LINGO2: variants seen among roughly 807,000 people sequenced by gnomAD.
The protein encoded by LINGO2 is leucine-rich repeat and immunoglobulin-like domain-containing nogo receptor-interacting protein 2.
A neutral mutation model predicts 30.6 loss-of-function variants in LINGO2; 14 were observed. The ratio of observed to expected loss-of-function variants is 0.46; its 90% CI spans 0.30 to 0.72. The LOEUF (loss-of-function observed/expected upper bound fraction) is 0.72. LINGO2 is among the 30% of genes least tolerant of loss of function. The pLI is 0.07. For synonymous variants in LINGO2, 317 were observed against 288.5 expected, an observed-to-expected ratio of 1.10 and a Z score of -1.00; for missense variants, 729 against 751.7, an observed-to-expected ratio of 0.97 and a Z score of 0.35.
chr9:28,996,542 G>A, the LINGO2 span, among the ~76,000 whole-genome samples: 4 of 152,156 alleles, frequency 2.6e-5, no homozygotes, highest in Non-Finnish European at 5.9e-5. Flanking sequence ...CTGGGGCAGG[G>A]TCAGAGTAAG....
the LINGO2 span, among the ~76,000 whole-genome samples, chr9:28,991,831 C>G: frequency 1.3e-4 from 20 of 149,068 alleles, no homozygotes; most frequent in African/African-American, 3.4e-4. Flanking sequence ...ATTTTGTCAC[C>G]ACCAGGCCTG....
At position 28,557,266 on chromosome 9, in the gene LINGO2, C is replaced by G. The variant is rs201195336; in HGVS notation, c.-364-81241G>C. Among the ~76,000 whole-genome samples, 109 of 151,932 alleles carry G rather than the reference C, an allele frequency of 7.2e-4. 1 individual carries two copies. The East Asian group carries it at 0.019, about 26-fold the overall frequency. On this transcript the variant is annotated intron_variant, in intron 1 of 5. Transcript: ENST00000379992. ...TACTCATCTGACAAAGGGCTAATATCCAGAATCTACAATGAACTCCAACAA... is the reference window on the plus strand; with the variant it reads ...TACTCATCTGACAAAGGGCTAATATGCAGAATCTACAATGAACTCCAACAA...
At chr9:28,756,645 G>A in the LINGO2 span, among the ~76,000 whole-genome samples, 3 of 151,906 alleles carry the variant, frequency 2.0e-5, no homozygotes, top group African/African-American at 7.3e-5. Context: ...TGAGAGAGGT[G>A]ATTGGATCAT....
At chr9:28,185,005 A>G (rs10119821) in intron 4 of LINGO2, among the ~76,000 whole-genome samples, 9,858 of 152,270 alleles carry the variant, frequency 0.065, 526 homozygotes, top group African/African-American at 0.14. Flanking sequence ...AACAAGAAAC[A>G]GAGCTGGATT....
At chr9:28,753,168 T>C in the LINGO2 span, among the ~76,000 whole-genome samples, 1 of 151,986 alleles carries the variant, frequency 6.6e-6, no homozygotes, top group South Asian at 2.1e-4. Flanking sequence ...CTCACAGGTC[T>C]ACACTTATAC....
chr9:29,091,588 C>G, the LINGO2 span, among the ~76,000 whole-genome samples: 1 of 151,946 alleles, frequency 6.6e-6, no homozygotes, highest in Non-Finnish European at 1.5e-5. Context: ...AGAAATGAAG[C>G]CTCCTTTGCA....
intron 4 of LINGO2, among the ~76,000 whole-genome samples, chr9:28,159,733 A>C (rs1426526818): frequency 6.6e-6 from 1 of 152,224 alleles, no homozygotes; most frequent in African/African-American, 2.4e-5. Flanking sequence ...ACTCTGATAA[A>C]CAAGAGCCAA....
At chr9:28,140,675 A>T (rs888308115) in intron 4 of LINGO2, among the ~76,000 whole-genome samples, 1 of 152,180 alleles carries the variant, frequency 6.6e-6, no homozygotes, top group Non-Finnish European at 1.5e-5. Context: ...AGATGGAGTT[A>T]TCACTACCAC....
chr9:29,018,446 A>G, the LINGO2 span, among the ~76,000 whole-genome samples: 1 of 151,962 alleles, frequency 6.6e-6, no homozygotes, highest in Non-Finnish European at 1.5e-5. Flanking sequence ...TCAACCCTAT[A>G]ATCCTTAATA....
the LINGO2 span, among the ~76,000 whole-genome samples, chr9:29,076,593 TTA>T: frequency 9.0e-5 from 13 of 144,230 alleles, no homozygotes; most frequent in African/African-American, 2.8e-4. Flanking sequence ...TATATATATA[TTA>T]TATATAATTG....
chr9:28,484,667 C>A (rs1430702571), intron 1 of LINGO2, among the ~76,000 whole-genome samples: 2 of 152,090 alleles, frequency 1.3e-5, no homozygotes, highest in Non-Finnish European at 2.9e-5. Context: ...TACTAGCAGA[C>A]ATGGAACACC....
the LINGO2 span, among the ~76,000 whole-genome samples, chr9:29,206,423 G>A: frequency 2.0e-5 from 3 of 152,070 alleles, no homozygotes; most frequent in East Asian, 3.8e-4. Context: ...GGAGTCTATC[G>A]ATGTTTTCAT....
intron 2 of LINGO2, among the ~76,000 whole-genome samples, chr9:28,431,228 C>T (rs966481509): frequency 5.9e-5 from 9 of 152,076 alleles, no homozygotes; most frequent in African/African-American, 9.7e-5. Flanking sequence ...GAATCATTGT[C>T]GGGGGTGGAG....
chr9:28,984,895 C>T, the LINGO2 span, among the ~76,000 whole-genome samples: 1 of 152,000 alleles, frequency 6.6e-6, no homozygotes, highest in African/African-American at 2.4e-5. Flanking sequence ...ATTCTCCTAG[C>T]AATTTTGAAA....
chr9:28,554,473 A>G lies in LINGO2; in HGVS notation c.-364-78448T>C, dbSNP rs1822526036. Reference sequence around the variant, plus strand: ...ACTATCCTAAATATATATGCACCCAATACAGGAGCACCCAGACTCATAAAG... The same window carrying G: ...ACTATCCTAAATATATATGCACCCAGTACAGGAGCACCCAGACTCATAAAG... On this transcript the variant is annotated intron_variant, in intron 1 of 5. Transcript: ENST00000379992. 3.4e-5 allele frequency among the ~76,000 whole-genome samples: 5 copies of G among 147,364 alleles called. No individual in the cohort carries two copies. The South Asian group carries it at 1.1e-3, about 33-fold the overall frequency.
At chr9:28,182,525 G>A (rs534343174) in intron 4 of LINGO2, among the ~76,000 whole-genome samples, 21 of 152,212 alleles carry the variant, frequency 1.4e-4, no homozygotes, top group South Asian at 4.2e-4. Flanking sequence ...TAGTGAACAG[G>A]CAACCTACAG....
At chr9:28,967,027 A>T in the LINGO2 span, among the ~76,000 whole-genome samples, 9 of 152,112 alleles carry the variant, frequency 5.9e-5, no homozygotes, top group Non-Finnish European at 1.2e-4. Context: ...CATTTTGGAA[A>T]AGAAGAAATG....
At chr9:28,476,558 A>T (rs1414081195) in intron 1 of LINGO2, among the ~76,000 whole-genome samples, 3 of 152,140 alleles carry the variant, frequency 2.0e-5, no homozygotes, top group Admixed American at 6.6e-5. Flanking sequence ...TACAGGCGTG[A>T]GCCACCGCGC....
chr9:29,208,158 AT>A, the LINGO2 span, among the ~76,000 whole-genome samples: 1 of 151,998 alleles, frequency 6.6e-6, no homozygotes, highest in Non-Finnish European at 1.5e-5. Flanking sequence ...GTTCATAAAA[AT>A]TGGGTAACTG....
Sources: allele counts gnomAD v4.1 joint callset (sites outside exome capture counted in the v4.1 genomes callset), GRCh38; gene constraint gnomAD v4.1.1; transcripts MANE v1.5; gene names NCBI Gene and HGNC (gene_info 2026-07-23, HGNC 2026-07-21).